RAB5B: variants seen among roughly 807,000 people sequenced by gnomAD.
RAB5B encodes RAB5B, member RAS oncogene family.
A neutral mutation model predicts 28.6 loss-of-function variants in RAB5B; 11 were observed. The ratio of observed to expected loss-of-function variants is 0.38; its 90% CI spans 0.24 to 0.64. The LOEUF is 0.64. RAB5B is among the 30% of genes least tolerant of loss of function. RAB5B has a pLI of 0.53. For missense variants in RAB5B, 169 were observed against 265.6 expected (o/e 0.64, Z 2.53); for synonymous variants, 93 against 97.9 (o/e 0.95, Z 0.29).
At chr12:55,981,219 A>G (rs570195078) in intron 1 of RAB5B, among the ~76,000 whole-genome samples, 1 of 152,002 alleles carries the variant, frequency 6.6e-6, no homozygotes, top group Admixed American at 6.6e-5. Flanking sequence ...ACGCACCACC[A>G]CACCCAGCTA....
At chr12:55,985,487 C>T (rs1889926928) in intron 1 of RAB5B, 1 of 273,434 alleles carries the variant, frequency 3.7e-6, no homozygotes, top group Non-Finnish European at 7.4e-6. Flanking sequence ...GCTAACTTCC[C>T]TTTGAATTTC....
chr12:55,992,349 C>G lies in RAB5B; in HGVS notation c.*137C>G. 1.3e-6 allele frequency: 1 copy of G among 755,766 alleles called. No individual in the cohort carries two copies. The highest frequency in any genetic ancestry group is 2.3e-6 in the Non-Finnish European group (1 of 440,748). 46.8% of individuals were successfully genotyped at this position (755,766 alleles called of 1,614,324 possible). A position where few individuals can be genotyped will look rare whatever the true frequency, so the allele number is the denominator to read the frequency against. ...TCCCAAGGGCTGCCTCCTGACAGCT[C>G]CGTCATGGCACTTTTTAACGCTTCA... On this transcript the variant is annotated 3_prime_UTR_variant, in exon 6 of 6. Coordinates refer to ENST00000360299, the MANE Select transcript of RAB5B (RefSeq NM_002868.4).
Position 55,986,897 on chromosome 12 carries a change from C to CCT in RAB5B, c.-64_-63insCT. On this transcript the variant is annotated 5_prime_UTR_variant, in exon 2 of 6. Coordinates refer to ENST00000360299, the MANE Select transcript of RAB5B (RefSeq NM_002868.4). Reference sequence around the variant, plus strand: ...TGTTGAAGCCTGGAAATCCCCTCCCCTTCCCCCTCCCCCCTTTACAGTATC... The same window carrying CCT: ...TGTTGAAGCCTGGAAATCCCCTCCCCCTTTCCCCCTCCCCCCTTTACAGTATC... The CCT allele has an allele frequency of 6.5e-6, 3 of 464,558 alleles. No individual in the cohort carries two copies. The highest frequency in any genetic ancestry group is 1.7e-5 in the South Asian group (1 of 57,522). The allele number at this position is 464,558 out of a possible 1,614,324, so 28.8% of individuals were successfully genotyped here.
At chr12:55,987,171 T>TC (rs1889976083) in intron 2 of RAB5B, 48 bp downstream of exon 2, 1 of 1,532,680 alleles carries the variant, frequency 6.5e-7, no homozygotes, top group East Asian at 2.3e-5. Flanking sequence ...TAAGGGTTTT[T>TC]TTTTTTTTAG....
Position 55,990,903 on chromosome 12 carries a change from T to A in RAB5B, c.438+99T>A. 2 of 1,430,436 alleles carry A rather than the reference T, an allele frequency of 1.4e-6. 1 individual carries two copies. Among genetic ancestry groups the A allele is most frequent in the South Asian group, 2.5e-5 (2 of 79,724 alleles). The allele number at this position is 1,430,436 out of a possible 1,614,324, so 88.6% of individuals were successfully genotyped here. A position where few individuals can be genotyped will look rare whatever the true frequency, so the allele number is the denominator to read the frequency against. On this transcript the variant is annotated intron_variant, in intron 4 of 5. Coordinates refer to ENST00000360299, the MANE Select transcript of RAB5B (RefSeq NM_002868.4). ...CTCTGAAAACGTCAACAGAGGACATTCATTGTCTCATTCCCCAGTTCTACA... is the reference window on the plus strand; with the variant it reads ...CTCTGAAAACGTCAACAGAGGACATACATTGTCTCATTCCCCAGTTCTACA...
intron 1 of RAB5B, among the ~76,000 whole-genome samples, chr12:55,984,771 C>G (rs1244852900): frequency 6.6e-6 from 1 of 152,208 alleles, no homozygotes; most frequent in Non-Finnish European, 1.5e-5. Flanking sequence ...CTACTGCACC[C>G]AGGCTGTGGC....
In RAB5B at chr12:55,994,756, T is replaced by C. The variant is rs2136496831; in HGVS notation, c.*2544T>C. 1 of 152,528 alleles carries C rather than the reference T, an allele frequency of 6.6e-6. No homozygotes were observed. Among genetic ancestry groups the C allele is most frequent in the South Asian group, 2.1e-4 (1 of 4,818 alleles). The allele number at this position is 152,528 out of a possible 1,614,324, so 9.4% of individuals were successfully genotyped here. A position where few individuals can be genotyped will look rare whatever the true frequency, so the allele number is the denominator to read the frequency against. The stretch of plus-strand genomic sequence containing the variant: ...TATTTTATTGTTATTATTATTATTA[T>C]TTTTGCTATTTGTCAGGTACTAGGA... On this transcript the variant is annotated 3_prime_UTR_variant, in exon 6 of 6. Transcript: ENST00000360299.
At chr12:55,985,345 G>A (rs902411734) in intron 1 of RAB5B, among the ~76,000 whole-genome samples, 10 of 152,174 alleles carry the variant, frequency 6.6e-5, no homozygotes, top group Admixed American at 1.3e-4. Context: ...CCCCACATAT[G>A]CCATAGAGTA....
chr12:55,983,857 G>T (rs1203775367), intron 1 of RAB5B, among the ~76,000 whole-genome samples: 6 of 151,496 alleles, frequency 4.0e-5, no homozygotes, highest in Admixed American at 3.3e-4. Context: ...ACTCAGTCTC[G>T]CTATGTTGCC....
chr12:55,991,078 G>A (rs891164756), intron 4 of RAB5B: 1 of 530,854 alleles, frequency 1.9e-6, no homozygotes, highest in African/African-American at 1.9e-5. Context: ...TTAAATTTGT[G>A]GTAAGGGACT....
intron 3 of RAB5B, 58 bp from the exon 4 acceptor site, chr12:55,990,624 G>A (rs1890085213): frequency 1.3e-6 from 2 of 1,599,466 alleles, no homozygotes; most frequent in Non-Finnish European, 8.5e-7. Flanking sequence ...ATTTTAAAAG[G>A]TGATGGATAT....
Position 55,994,922 on chromosome 12 carries a change from C to T in RAB5B, c.*2710C>T, listed in dbSNP as rs892793737. The T allele has an allele frequency of 2.0e-5, 3 of 151,794 alleles. No individual in the cohort carries two copies. Among genetic ancestry groups the T allele is most frequent in the Non-Finnish European group, 2.9e-5 (2 of 67,982 alleles). 9.4% of individuals were successfully genotyped at this position (151,794 alleles called of 1,614,324 possible). On this transcript the variant is annotated 3_prime_UTR_variant, in exon 6 of 6. Coordinates refer to ENST00000360299, the MANE Select transcript of RAB5B (RefSeq NM_002868.4). ...AGCCCTTCTATTGCTATTTAATCACCCCTCTTCTAAGGCCACTAGATTGTT... is the reference window on the plus strand; with the variant it reads ...AGCCCTTCTATTGCTATTTAATCACTCCTCTTCTAAGGCCACTAGATTGTT...
Position 55,980,330 on chromosome 12 carries a change from C to G in RAB5B, c.-93+6191C>G, listed in dbSNP as rs1055901569. The G allele has an allele frequency of 4.0e-6, 4 of 999,644 alleles. No homozygotes were observed. In the African/African-American group the frequency reaches 6.4e-5, roughly 16 times the overall value. 61.9% of individuals were successfully genotyped at this position (999,644 alleles called of 1,614,324 possible). A position where few individuals can be genotyped will look rare whatever the true frequency, so the allele number is the denominator to read the frequency against. Reference sequence around the variant, plus strand: ...CTTTACCATCTACCTATGTGTCCCTCCAAGCCCCTCTGCTATTTCTCCCCT... The same window carrying G: ...CTTTACCATCTACCTATGTGTCCCTGCAAGCCCCTCTGCTATTTCTCCCCT... On this transcript the variant is annotated intron_variant, in intron 1 of 5. Transcript: ENST00000360299.
At position 55,992,793 on chromosome 12, in the gene RAB5B, C is replaced by T. The variant is rs1348939465; in HGVS notation, c.*581C>T. 1 of 295,472 alleles carries T rather than the reference C, an allele frequency of 3.4e-6. No individual in the cohort carries two copies. Among genetic ancestry groups the T allele is most frequent in the South Asian group, 2.9e-5 (1 of 34,970 alleles). 18.3% of individuals were successfully genotyped at this position (295,472 alleles called of 1,614,324 possible). ...GAGTTTCTCATATTTGAAAACATTG[C>T]GGTATCCATGATTTGGCCTTGTGGA... On this transcript the variant is annotated 3_prime_UTR_variant, in exon 6 of 6. Transcript: ENST00000360299.
intron 1 of RAB5B, chr12:55,980,407 G>A: frequency 1.9e-6 from 3 of 1,554,990 alleles, no homozygotes; most frequent in Non-Finnish European, 2.7e-6. Context: ...GGGGTGGGGA[G>A]GCAAGAAAGG....
intron 1 of RAB5B, among the ~76,000 whole-genome samples, chr12:55,979,924 A>G (rs1190467603): frequency 6.6e-6 from 1 of 152,216 alleles, no homozygotes; most frequent in Non-Finnish European, 1.5e-5. Flanking sequence ...GTATGGTAAC[A>G]CTTGACAAGT....
chr12:55,986,765 G>C, intron 1 of RAB5B, 104 bp from the exon 2 acceptor site: 1 of 604,124 alleles, frequency 1.7e-6, no homozygotes, highest in Non-Finnish European at 3.0e-6. Context: ...TCAGAGCTAA[G>C]TCCTCATAGA....
At chr12:55,986,801 C>T (rs931777961) in intron 1 of RAB5B, 68 bp from the exon 2 acceptor site, 25 of 642,616 alleles carry the variant, frequency 3.9e-5, no homozygotes, top group Middle Eastern at 4.0e-4. Flanking sequence ...AGGTTCTATC[C>T]TTCTCTGAAA....
At chr12:55,991,476 T>C in intron 5 of RAB5B, 23 bp downstream of exon 5, 1 of 1,581,240 alleles carries the variant, frequency 6.3e-7, no homozygotes, top group Non-Finnish European at 8.7e-7. Flanking sequence ...CATCCTGAGG[T>C]CCTCCTTTTT....
Sources: allele counts gnomAD v4.1 joint callset (sites outside exome capture counted in the v4.1 genomes callset), GRCh38; gene constraint gnomAD v4.1.1; transcripts MANE v1.5; gene names NCBI Gene and HGNC (gene_info 2026-07-23, HGNC 2026-07-21).